The following PFKFB3 variants were observed in gnomAD, a reference collection of about 807,000 sequenced individuals.
PFKFB3 encodes the protein 6-phosphofructo-2-kinase/fructose-2,6-bisphosphatase 3.
A neutral mutation model predicts 68.0 loss-of-function variants in PFKFB3; 33 were observed. That is an observed-to-expected ratio of 0.49 (90% CI 0.37 to 0.65). PFKFB3 has a LOEUF of 0.65. PFKFB3 is among the 30% of genes least tolerant of loss of function. The pLI is 0.00. For synonymous variants in PFKFB3, 315 were observed against 288.2 expected (o/e 1.09, Z -0.94); for missense variants, 586 against 712.2 (o/e 0.82, Z 2.02).
intron 1 of PFKFB3, among the ~76,000 whole-genome samples, chr10:6,196,925 G>A (rs559505421): frequency 6.6e-6 from 1 of 152,082 alleles, no homozygotes; most frequent in South Asian, 2.1e-4. Context: ...TTACAGGCCT[G>A]AGCCACTGTA....
In PFKFB3 at chr10:6,204,079, C is replaced by T. The variant is rs559412023; in HGVS notation, c.76+743C>T. Among the ~76,000 whole-genome samples, 28 of 152,300 alleles carry T rather than the reference C, an allele frequency of 1.8e-4. No homozygotes were observed. The East Asian group carries it at 5.2e-3, about 28-fold the overall frequency. On this transcript the variant is annotated intron_variant, in intron 1 of 14. Transcript: ENST00000379775. ...ACGCGCCCCGGGCGCACGCACCCCC[C>T]GGTGCTCGGAATTGGCTGGCAGTAC...
At chr10:6,159,590 G>T (rs1307166494) in intron 1 of PFKFB3, among the ~76,000 whole-genome samples, 1 of 151,420 alleles carries the variant, frequency 6.6e-6, no homozygotes, top group Non-Finnish European at 1.5e-5. Flanking sequence ...TACCCGGGAG[G>T]CTGAGACAGG....
chr10:6,177,424 C>CTTTCT (rs1842530448), intron 1 of PFKFB3, among the ~76,000 whole-genome samples: 30 of 33,540 alleles, frequency 8.9e-4, no homozygotes, highest in East Asian at 2.4e-3. Flanking sequence ...TCTCTTTCTT[C>CTTTCT]CTTTCTTTTC....
chr10:6,318,220 C>A, the PFKFB3 span, among the ~76,000 whole-genome samples: 2 of 152,246 alleles, frequency 1.3e-5, no homozygotes, highest in South Asian at 4.1e-4. Context: ...ATCCATGCAC[C>A]CATAGGGCCA....
the PFKFB3 span, among the ~76,000 whole-genome samples, chr10:6,275,445 C>T: frequency 1.3e-5 from 2 of 152,352 alleles, no homozygotes; most frequent in South Asian, 4.1e-4. This position sits in a 1 kb window ranked among gnomAD's most constrained non-coding sequence, Gnocchi z 4.9. Flanking sequence ...ATGCCGGGAA[C>T]GCTGTCCCCA....
rs1473033588 is a variant in PFKFB3 at position 6,215,177 on chromosome 10, T to C, written c.203-44T>C. 6.5e-6 allele frequency: 10 copies of C among 1,546,940 alleles called. No homozygotes were observed. The highest frequency in any genetic ancestry group is 8.0e-6 in the Non-Finnish European group (9 of 1,119,738). On this transcript the variant is annotated intron_variant, in intron 2 of 14. Coordinates refer to ENST00000379775, the MANE Select transcript of PFKFB3 (RefSeq NM_004566.4). This position sits in a 1 kb window ranked among gnomAD's most constrained non-coding sequence, Gnocchi z 4.3. ...ATGGTCCCGGTGTGAGCTGGCCCCT[T>C]CCTCCTGCTCGATCATCCAGACTGT... is the stretch of plus-strand genomic sequence containing the variant.
the PFKFB3 span, among the ~76,000 whole-genome samples, chr10:6,303,397 A>T: frequency 6.6e-6 from 1 of 152,384 alleles, no homozygotes; most frequent in East Asian, 1.9e-4. Flanking sequence ...AATAAGGTTT[A>T]TTCAGAGTGC....
At chr10:6,258,715 C>T (rs1846512292), downstream of PFKFB3, among the ~76,000 whole-genome samples, 1 of 152,196 alleles carries the variant, frequency 6.6e-6, no homozygotes, top group East Asian at 1.9e-4. Flanking sequence ...AGGGGATTGT[C>T]TGAGTGGAAA....
At chr10:6,294,783 T>G in the PFKFB3 span, 1 of 152,430 alleles carries the variant, frequency 6.6e-6, no homozygotes, top group African/African-American at 2.4e-5. Flanking sequence ...CTCCTTTTGA[T>G]TCTTTCTTAG....
downstream of PFKFB3, among the ~76,000 whole-genome samples, chr10:6,236,731 C>T (rs916842789): frequency 2.0e-5 from 3 of 152,194 alleles, no homozygotes; most frequent in Admixed American, 1.3e-4. Flanking sequence ...AGGCTGACTA[C>T]CCAGAAAATT....
At chr10:6,309,443 G>A in the PFKFB3 span, among the ~76,000 whole-genome samples, 6 of 152,030 alleles carry the variant, frequency 3.9e-5, no homozygotes, top group Admixed American at 2.0e-4. Flanking sequence ...GCAACATGGC[G>A]AAACCCCGGC....
At chr10:6,205,873 C>T (rs999494509) in intron 1 of PFKFB3, among the ~76,000 whole-genome samples, 1 of 151,970 alleles carries the variant, frequency 6.6e-6, no homozygotes, top group African/African-American at 2.4e-5. Context: ...CCATAGCTCA[C>T]TGTAACCACC....
chr10:6,318,147 T>C, the PFKFB3 span, among the ~76,000 whole-genome samples: 169 of 152,296 alleles, frequency 1.1e-3, no homozygotes, highest in African/African-American at 4.0e-3. Flanking sequence ...GGATTTGCAG[T>C]GCACTCCTCT....
At chr10:6,174,603 C>T (rs1588420826) in intron 1 of PFKFB3, among the ~76,000 whole-genome samples, 1 of 152,118 alleles carries the variant, frequency 6.6e-6, no homozygotes, top group East Asian at 1.9e-4. Flanking sequence ...GCCTGCTGCC[C>T]CTGGACTGTG....
chr10:6,307,564 T>C, the PFKFB3 span, among the ~76,000 whole-genome samples: 1 of 114,744 alleles, frequency 8.7e-6, no homozygotes, highest in Admixed American at 1.0e-4. Context: ...CTTCCTTCCT[T>C]CCTTCCTCCT....
rs1466140406 is a variant in PFKFB3 at position 6,215,447 on chromosome 10, G to A, written c.299+130G>A. ...GGCTGTGGGAATAAGGCTGGGCTGC[G>A]GGGCTGCGGGTGTAAGGCTGGGCTG... On this transcript the variant is annotated intron_variant, in intron 3 of 14. Transcript: ENST00000379775. The surrounding 1 kb of genome is among the most constrained non-coding windows in gnomAD (Gnocchi z 4.3). The A allele has an allele frequency of 2.0e-5, 14 of 704,836 alleles. No homozygotes were observed. The highest frequency in any genetic ancestry group is 3.7e-4 in the Middle Eastern group (1 of 2,706). The allele number at this position is 704,836 out of a possible 1,614,324, so 43.7% of individuals were successfully genotyped here. A position where few individuals can be genotyped will look rare whatever the true frequency, so the allele number is the denominator to read the frequency against.
the PFKFB3 span, among the ~76,000 whole-genome samples, chr10:6,265,538 G>T: frequency 6.6e-6 from 1 of 152,056 alleles, no homozygotes. Flanking sequence ...GAATATTATG[G>T]AAGTCATGTT....
the PFKFB3 span, among the ~76,000 whole-genome samples, chr10:6,270,782 T>C: frequency 6.6e-6 from 1 of 152,170 alleles, no homozygotes; most frequent in Non-Finnish European, 1.5e-5. Context: ...CAGTTTCACC[T>C]TTATTGGTGT....
intron 2 of PFKFB3, among the ~76,000 whole-genome samples, chr10:6,214,840 G>A (rs1206738562): frequency 2.0e-5 from 3 of 152,214 alleles, no homozygotes; most frequent in Non-Finnish European, 2.9e-5. Flanking sequence ...GGCCCCACTC[G>A]CTTTCTGATA....
Sources: allele counts gnomAD v4.1 joint callset (sites outside exome capture counted in the v4.1 genomes callset), GRCh38; gene constraint gnomAD v4.1.1; non-coding constraint Gnocchi (gnomAD v3.1); transcripts MANE v1.5; gene names NCBI Gene and HGNC (gene_info 2026-07-23, HGNC 2026-07-21).